The following OBI1 variants were observed in gnomAD, a reference collection of about 807,000 sequenced individuals.
OBI1 encodes the protein ring finger protein 219.
A neutral mutation model predicts 62.4 loss-of-function variants in OBI1; 59 were observed. The ratio of observed to expected loss-of-function variants is 0.95; its 90% CI spans 0.77 to 1.17. OBI1 has a LOEUF of 1.17. OBI1 is among the 50% of genes most tolerant of loss of function. The pLI is 0.00. For missense variants in OBI1, 875 were observed against 830.9 expected, an observed-to-expected ratio of 1.05 and a Z score of -0.65; for synonymous variants, 302 against 292.8, an observed-to-expected ratio of 1.03 and a Z score of -0.32.
intron 5 of OBI1, among the ~76,000 whole-genome samples, chr13:78,622,991 T>C (rs888152553): frequency 6.6e-6 from 1 of 152,140 alleles, no homozygotes; most frequent in Non-Finnish European, 1.5e-5. Flanking sequence ...GCATTACCCA[T>C]CCTTGTATAT....
Position 78,616,195 on chromosome 13 carries a change from T to A in OBI1, c.1566A>T (p.Thr522=), listed in dbSNP as rs202005539. The part of the protein sequence containing the change: ...NSIRSFEMNR[T]RTSSEASMDA... ...CCATCGATGCTTCACTGGATGTTCT[T>A]GTCCGGTTCATTTCAAAAGAGCGAA... is the stretch of plus-strand genomic sequence containing the variant. The change falls in exon 6 of 6, where the codon ACA becomes ACT. Residue 522 remains threonine (T), a synonymous_variant. Coordinates refer to ENST00000282003, the MANE Select transcript of OBI1 (RefSeq NM_024546.4). 483 of 1,614,158 alleles carry A rather than the reference T, an allele frequency of 3.0e-4. 4 individuals carry two copies. In the South Asian group the frequency reaches 5.0e-3, roughly 17 times the overall value.
chr13:78,620,600 T>C (rs1875477151), intron 5 of OBI1: 1 of 442,798 alleles, frequency 2.3e-6, no homozygotes, highest in Non-Finnish European at 4.5e-6. Flanking sequence ...TATTAACTGA[T>C]ACATACATTC....
intron 5 of OBI1, chr13:78,617,366 G>T (rs1411288765): frequency 1.1e-5 from 4 of 365,078 alleles, no homozygotes; most frequent in Non-Finnish European, 2.0e-5. Context: ...TCAGATCTAT[G>T]GTAGCAGAGA....
chr13:78,655,726 CTG>C (rs940088023), intron 1 of OBI1, among the ~76,000 whole-genome samples: 3 of 152,136 alleles, frequency 2.0e-5, no homozygotes, highest in Non-Finnish European at 4.4e-5. Context: ...AAGATGCTGA[CTG>C]TGAGATCTGG....
chr13:78,648,246 G>A (rs1387834762), intron 1 of OBI1, among the ~76,000 whole-genome samples: 1 of 150,480 alleles, frequency 6.6e-6, no homozygotes. Context: ...AAACCAAGAA[G>A]ATACTGCCTT....
intron 5 of OBI1, among the ~76,000 whole-genome samples, chr13:78,627,359 T>A (rs1372885745): frequency 6.6e-6 from 1 of 151,448 alleles, no homozygotes; most frequent in Non-Finnish European, 1.5e-5. Context: ...TCAGGTTTAT[T>A]ACATAGGTAT....
chr13:78,637,063 T>A (rs1400483611), intron 4 of OBI1, among the ~76,000 whole-genome samples: 2 of 152,246 alleles, frequency 1.3e-5, no homozygotes, highest in Non-Finnish European at 2.9e-5. Flanking sequence ...GAATAATGAA[T>A]ATTTCAGCTA....
intron 1 of OBI1, among the ~76,000 whole-genome samples, chr13:78,646,135 T>A (rs1194032129): frequency 1.3e-5 from 2 of 152,184 alleles, no homozygotes; most frequent in African/African-American, 4.8e-5. Flanking sequence ...GTTGACTGTT[T>A]GTAGTTGTTT....
At chr13:78,641,449 G>A (rs530174058) in intron 3 of OBI1, among the ~76,000 whole-genome samples, 1 of 152,188 alleles carries the variant, frequency 6.6e-6, no homozygotes, top group Admixed American at 6.5e-5. Context: ...TGAGTCAAGA[G>A]GGGATCGATA....
At chr13:78,620,776 C>A in intron 5 of OBI1, 1 of 392,070 alleles carries the variant, frequency 2.6e-6, no homozygotes, top group Non-Finnish European at 5.0e-6. Flanking sequence ...GTTCCTAAGA[C>A]CATATTTTCT....
At chr13:78,657,698 C>T (rs976711167) in intron 1 of OBI1, among the ~76,000 whole-genome samples, 1 of 152,112 alleles carries the variant, frequency 6.6e-6, no homozygotes, top group Non-Finnish European at 1.5e-5. Flanking sequence ...ATAATGTGTA[C>T]AAAATACTTC....
At chr13:78,617,959 C>T (rs911474962) in intron 5 of OBI1, among the ~76,000 whole-genome samples, 14 of 152,026 alleles carry the variant, frequency 9.2e-5, no homozygotes, top group Non-Finnish European at 1.5e-4. Context: ...GTTATTTCCA[C>T]CAAGAATGAG....
At chr13:78,656,732 G>A (rs1341175848) in intron 1 of OBI1, among the ~76,000 whole-genome samples, 1 of 57,316 alleles carries the variant, frequency 1.7e-5, no homozygotes, top group Admixed American at 1.8e-4. Flanking sequence ...TGGTACCTGG[G>A]GGGGGGGGGG....
chr13:78,639,106 A>T, intron 3 of OBI1, 35 bp from the exon 4 acceptor site: 1 of 1,594,056 alleles, frequency 6.3e-7, no homozygotes, highest in Non-Finnish European at 8.5e-7. Context: ...AGGCAGGCAT[A>T]GACACTAAAC....
chr13:78,644,935 C>T lies in OBI1; in HGVS notation c.135G>A (p.Trp45Ter). The T allele has an allele frequency of 6.2e-7, 1 of 1,613,818 alleles. No homozygotes were observed. The highest frequency in any genetic ancestry group is 8.5e-7 in the Non-Finnish European group (1 of 1,179,834). The part of the protein sequence containing the change: ...HVFCSICIDL[W>*]LKNNSQCPAC... Reference sequence around the variant, plus strand: ...CTGGACACTGGCTATTATTCTTCAACCACAAATCAATACAAATCGAACAAA... The same window carrying T: ...CTGGACACTGGCTATTATTCTTCAATCACAAATCAATACAAATCGAACAAA... Residue 45 changes from tryptophan to a stop codon, truncating the protein, a stop_gained, in exon 2 of 6, where the codon TGG becomes TGA. Transcript: ENST00000282003. LOFTEE classifies it high-confidence loss of function.
chr13:78,632,585 C>T (rs977285506), intron 5 of OBI1, among the ~76,000 whole-genome samples: 1 of 152,110 alleles, frequency 6.6e-6, no homozygotes, highest in African/African-American at 2.4e-5. Flanking sequence ...ATTTTCTAAA[C>T]CAAGGGATTA....
intron 5 of OBI1, among the ~76,000 whole-genome samples, chr13:78,634,552 C>T (rs1200763003): frequency 1.3e-5 from 2 of 152,158 alleles, no homozygotes; most frequent in African/African-American, 4.8e-5. Flanking sequence ...CCAACTCTGC[C>T]TCCCAAAGTG....
At chr13:78,643,825 AC>A (rs1397775032) in intron 2 of OBI1, among the ~76,000 whole-genome samples, 2 of 152,120 alleles carry the variant, frequency 1.3e-5, no homozygotes, top group Admixed American at 6.5e-5. Flanking sequence ...ATTTTCCCTA[AC>A]TTGGGACTAT....
Position 78,623,070 on chromosome 13 carries a change from A to T in OBI1, c.639-5948T>A, listed in dbSNP as rs1875559140. Among the ~76,000 whole-genome samples the T allele has an allele frequency of 1.3e-5, 2 of 152,158 alleles. 1 individual carries two copies. The highest frequency in any genetic ancestry group is 4.1e-4 in the South Asian group (2 of 4,828). On this transcript the variant is annotated intron_variant, in intron 5 of 5. Transcript: ENST00000282003. ...AGGGAAGTTTTGGGAAGCAACCCAT[A>T]CATTTATACTGTTGCTGAGCTATAT...
Sources: gnomAD v4.1 joint callset for allele counts (sites outside exome capture counted in the v4.1 genomes callset) on GRCh38, gnomAD v4.1.1 for gene constraint, MANE v1.5 for transcripts, NCBI Gene and HGNC (gene_info 2026-07-23, HGNC 2026-07-21) for gene names.